SYNE2: variants seen among roughly 807,000 people sequenced by gnomAD.
The protein encoded by SYNE2 is spectrin repeat containing nuclear envelope protein 2.
Under a neutral mutation model 856.3 loss-of-function variants are expected in SYNE2, and 431 were observed. The ratio of observed to expected loss-of-function variants is 0.50; its 90% CI spans 0.47 to 0.55. The LOEUF is 0.55. Ranked by LOEUF, SYNE2 falls within the 20% of genes least tolerant of loss-of-function variation. The pLI is 0.00. For synonymous variants in SYNE2, 2,923 were observed against 2,872.3 expected, an observed-to-expected ratio of 1.02 and a Z score of -0.56; for missense variants, 8,129 against 8,023.2, an observed-to-expected ratio of 1.01 and a Z score of -0.50.
chr14:63,976,511 A>C, intron 11 of SYNE2, 52 bp from the exon 12 acceptor site: 7 of 1,580,632 alleles, frequency 4.4e-6, no homozygotes, highest in Non-Finnish European at 6.1e-6. Flanking sequence ...GAAGAAATAA[A>C]CTAGAAAAGT....
chr14:63,859,095 C>T (rs755681265), intron 1 of SYNE2, among the ~76,000 whole-genome samples: 4 of 151,698 alleles, frequency 2.6e-5, no homozygotes, highest in South Asian at 2.1e-4. Context: ...GGTGTAGGGA[C>T]GAGGGGCATT....
At chr14:63,969,227 T>C (rs1434635467) in intron 11 of SYNE2, among the ~76,000 whole-genome samples, 1 of 149,736 alleles carries the variant, frequency 6.7e-6, no homozygotes, top group Non-Finnish European at 1.5e-5. Flanking sequence ...TAGAGTGCAA[T>C]GGTGTGATCT....
chr14:64,189,727 A>C (rs186395972), intron 98 of SYNE2, among the ~76,000 whole-genome samples: 8 of 152,314 alleles, frequency 5.3e-5, no homozygotes, highest in Admixed American at 3.3e-4. Flanking sequence ...GCTGGAGTGC[A>C]GTGGCGAGAT....
chr14:64,089,085 GCCAGGAACGATGGCTCACACCTGT>G (rs2097584939), intron 58 of SYNE2, among the ~76,000 whole-genome samples: 7 of 152,132 alleles, frequency 4.6e-5, no homozygotes, highest in Admixed American at 4.6e-4. Context: ...TTGGTCCCTG[GCCAGGAACGATGGCTCACACCTGT>G]AATCCCAGCA....
At chr14:64,212,336 T>G (rs575529846) in intron 104 of SYNE2, among the ~76,000 whole-genome samples, 35 of 152,362 alleles carry the variant, frequency 2.3e-4, no homozygotes, top group African/African-American at 8.4e-4. Flanking sequence ...TCCCATTGTT[T>G]CTGATATCTG....
In SYNE2 at chr14:64,188,643, A is replaced by G; in HGVS notation, c.17806A>G (p.Met5936Val). 8 of 1,614,224 alleles carry G rather than the reference A, an allele frequency of 5.0e-6. No individual in the cohort carries two copies. Among genetic ancestry groups the G allele is most frequent in the Non-Finnish European group, 6.8e-6 (8 of 1,180,036 alleles). The change falls in exon 98 of 116, where the codon ATG (methionine) becomes GTG (valine). Residue 5936 changes from methionine to valine, a missense_variant. Transcript: ENST00000555002. ...NKELCAWLVQ[M>V]ENKVLQTADI... Reference sequence around the variant, plus strand: ...AGAGTTGTGTGCCTGGCTGGTGCAGATGGAAAACAAAGTTCTACAGACAGC... The same window carrying G: ...AGAGTTGTGTGCCTGGCTGGTGCAGGTGGAAAACAAAGTTCTACAGACAGC...
At chr14:63,985,757 G>A (rs1268351861) in intron 18 of SYNE2, among the ~76,000 whole-genome samples, 1 of 152,176 alleles carries the variant, frequency 6.6e-6, no homozygotes, top group Non-Finnish European at 1.5e-5. Context: ...TCTCATACCT[G>A]TAATCCCAGC....
At chr14:64,000,373 G>C (rs896106213) in intron 27 of SYNE2, among the ~76,000 whole-genome samples, 189 bp from the exon 28 acceptor site, 13 of 152,206 alleles carry the variant, frequency 8.5e-5, no homozygotes, top group African/African-American at 3.1e-4. Flanking sequence ...TCCTCTGAGA[G>C]CACAGTTAAT....
intron 1 of SYNE2, among the ~76,000 whole-genome samples, chr14:63,782,572 AAAAT>A (rs1390021647): frequency 9.2e-5 from 14 of 152,016 alleles, no homozygotes; most frequent in Non-Finnish European, 1.6e-4. Context: ...TTTGATCATC[AAAAT>A]AAATAATGAT....
chr14:64,113,914 A>C (rs2097833299), intron 66 of SYNE2, among the ~76,000 whole-genome samples: 1 of 152,216 alleles, frequency 6.6e-6, no homozygotes, highest in Admixed American at 6.5e-5. Context: ...GTAGTGTCGC[A>C]GGATTTAAAT....
chr14:64,201,132 T>G (rs1456922532), intron 99 of SYNE2, among the ~76,000 whole-genome samples: 2 of 152,188 alleles, frequency 1.3e-5, no homozygotes, highest in African/African-American at 4.8e-5. Flanking sequence ...TTAGGTACAT[T>G]GCAGGGTGCA....
At chr14:64,173,557 CT>C (rs549375992) in intron 94 of SYNE2, among the ~76,000 whole-genome samples, 80 of 152,276 alleles carry the variant, frequency 5.3e-4, no homozygotes, top group Non-Finnish European at 1.1e-3. Context: ...CACACTTTGT[CT>C]CCTTCAAGAA....
chr14:64,214,473 A>G lies in SYNE2; in HGVS notation c.19333+3A>G. 6.2e-7 allele frequency: 1 copy of G among 1,610,950 alleles called. No individual in the cohort carries two copies. The highest frequency in any genetic ancestry group is 1.3e-5 in the African/African-American group (1 of 75,026). ...CCCATACTACAGCGCACTGTCAGGT[A>G]ACAGCTGGGTTCCCAGCACCCTGGA... On this transcript the variant is annotated splice_donor_region_variant and intron_variant, in intron 106 of 115. Coordinates refer to ENST00000555002, the MANE Select transcript of SYNE2 (RefSeq NM_182914.3).
chr14:64,061,783 G>T (rs2097318900), intron 49 of SYNE2, among the ~76,000 whole-genome samples: 1 of 152,144 alleles, frequency 6.6e-6, no homozygotes, highest in South Asian at 2.1e-4. Flanking sequence ...AAATATTCTT[G>T]CAGAGGGAGT....
chr14:64,106,290 T>TA (rs2097771168), intron 64 of SYNE2, among the ~76,000 whole-genome samples: 1 of 152,202 alleles, frequency 6.6e-6, no homozygotes, highest in Admixed American at 6.5e-5. Context: ...TGCTTGTTCC[T>TA]ACCATTTGAC....
chr14:63,990,474 A>G lies in SYNE2; in HGVS notation c.2377A>G (p.Met793Val), dbSNP rs756154986. 6.2e-7 allele frequency: 1 copy of G among 1,613,830 alleles called. No individual in the cohort carries two copies. The highest frequency in any genetic ancestry group is 1.1e-5 in the South Asian group (1 of 91,068). ...GGCAAGAAGTGAAGATATGTTACAAATGGATATACAAAATATTTCAAGCCA... is the reference window on the plus strand; with the variant it reads ...GGCAAGAAGTGAAGATATGTTACAAGTGGATATACAAAATATTTCAAGCCA... The part of the protein sequence containing the change: ...LMARSEDMLQ[M>V]DIQNISSQES... Residue 793 changes from methionine (M) to valine (V), a missense_variant, in exon 20 of 116, where the codon ATG becomes GTG. Physicochemically the swap from Met to Val is conservative, Grantham distance 21. This residue lies in a region of SYNE2 where 2,422 missense variants were observed against 2,357.4 expected (regional missense o/e 1.03). Coordinates refer to ENST00000555002, the MANE Select transcript of SYNE2 (RefSeq NM_182914.3).
At chr14:63,862,779 G>A (rs1894086203) in intron 1 of SYNE2, among the ~76,000 whole-genome samples, 1 of 151,426 alleles carries the variant, frequency 6.6e-6, no homozygotes, top group South Asian at 2.1e-4. Flanking sequence ...AGGTTTTGGG[G>A]CAGTTTTGTT....
intron 37 of SYNE2, 52 bp from the exon 38 acceptor site, chr14:64,022,699 A>G (rs2096944678): frequency 1.1e-6 from 1 of 905,600 alleles, no homozygotes; most frequent in Admixed American, 1.9e-5. Flanking sequence ...CACTTTAACA[A>G]GATGTATGAA....
rs1473015976 is a variant in SYNE2, at chr14:64,167,248, C to T, written c.16621C>T (p.Leu5541=). Reference sequence around the variant, plus strand: ...TTAAAAATAGAATCATGTGCTGGCACTGACAGCCCAATCACCTGATATTGA... The same window carrying T: ...TTAAAAATAGAATCATGTGCTGGCATTGACAGCCCAATCACCTGATATTGA... ...PDSFLNHVLA[L]TAQSPDIEHL... Residue 5541 remains leucine, a synonymous_variant, in exon 91 of 116, where the codon CTG becomes TTG. Transcript: ENST00000555002. 2 of 1,614,208 alleles carry T rather than the reference C, an allele frequency of 1.2e-6. No homozygotes were observed. The highest frequency in any genetic ancestry group is 1.7e-6 in the Non-Finnish European group (2 of 1,180,034).
Sources: allele counts gnomAD v4.1 joint callset (sites outside exome capture counted in the v4.1 genomes callset), GRCh38; gene constraint gnomAD v4.1.1; regional missense constraint gnomAD v4.1.1; transcripts MANE v1.5; gene names NCBI Gene and HGNC (gene_info 2026-07-23, HGNC 2026-07-21).